Variants in MBOAT2 observed in about 807,000 individuals in gnomAD.
The protein encoded by MBOAT2 is membrane-bound glycerophospholipid O-acyltransferase 2.
MBOAT2 carries 28 observed loss-of-function variants against 63.4 expected under a neutral mutation model. The observed-to-expected ratio is 0.44, with a 90% CI of 0.33 to 0.61. The LOEUF is 0.61. Among genes scored for constraint, MBOAT2 ranks in the 20% least tolerant of loss-of-function variants. The pLI is 0.03. For missense variants in MBOAT2, 470 were observed against 605.8 expected, an observed-to-expected ratio of 0.78 and a Z score of 2.35; for synonymous variants, 211 against 215.6, an observed-to-expected ratio of 0.98 and a Z score of 0.19.
chr2:8,866,973 C>G (rs1265771292), intron 9 of MBOAT2, among the ~76,000 whole-genome samples: 1 of 152,188 alleles, frequency 6.6e-6, no homozygotes, highest in Admixed American at 6.5e-5. Context: ...GAGGATCCAG[C>G]TTGGCCTCTT....
chr2:9,003,491 G>A lies in MBOAT2; in HGVS notation c.75+49C>T. On this transcript the variant is annotated intron_variant, in intron 1 of 12. Transcript: ENST00000305997. This position sits in a 1 kb window ranked among gnomAD's most constrained non-coding sequence, Gnocchi z 5.4. ...CCCCGGTCGGGTGGCACCGCGGCGG[G>A]GAGGGGCGGCGAGGGCGCGACGCCC... The A allele has an allele frequency of 1.7e-6, 2 of 1,144,196 alleles. No homozygotes were observed. The highest frequency in any genetic ancestry group is 4.1e-5 in the South Asian group (1 of 24,200). The allele number at this position is 1,144,196 out of a possible 1,614,324, so 70.9% of individuals were successfully genotyped here.
Position 8,856,043 on chromosome 2 carries a change from A to G in MBOAT2, c.*2636T>C, listed in dbSNP as rs570290987. On this transcript the variant is annotated 3_prime_UTR_variant, in exon 13 of 13. Transcript: ENST00000305997. This position sits in a 1 kb window ranked among gnomAD's most constrained non-coding sequence, Gnocchi z 4.2. ...TAATCTTTGTGATTATTACTTCTCC[A>G]AACTAGAGGAGAGATATCCAAAAAC... 1 of 152,310 alleles carries G rather than the reference A, an allele frequency of 6.6e-6. No homozygotes were observed. The highest frequency in any genetic ancestry group is 2.1e-4 in the South Asian group (1 of 4,826). 9.4% of individuals were successfully genotyped at this position (152,310 alleles called of 1,614,324 possible). A position where few individuals can be genotyped will look rare whatever the true frequency, so the allele number is the denominator to read the frequency against.
At chr2:8,932,650 T>C (rs1234378835) in intron 3 of MBOAT2, among the ~76,000 whole-genome samples, 1 of 152,208 alleles carries the variant, frequency 6.6e-6, no homozygotes, top group Non-Finnish European at 1.5e-5. Flanking sequence ...TTTTGTGACC[T>C]TGATTTAATC....
chr2:8,918,529 G>C lies in MBOAT2; in HGVS notation c.300-9813C>G, dbSNP rs1010316705. On this transcript the variant is annotated intron_variant, in intron 3 of 12. Transcript: ENST00000305997. Reference sequence around the variant, plus strand: ...CACTGATGGATTTGCTGGGTGCAGGGATGCCACAAACTTTCTGTTTGTTTA... The same window carrying C: ...CACTGATGGATTTGCTGGGTGCAGGCATGCCACAAACTTTCTGTTTGTTTA... 1.2e-4 allele frequency among the ~76,000 whole-genome samples: 19 copies of C among 152,190 alleles called. 1 individual carries two copies. Among genetic ancestry groups the C allele is most frequent in the Admixed American group, 9.2e-4 (14 of 15,276 alleles).
intron 4 of MBOAT2, among the ~76,000 whole-genome samples, chr2:8,904,112 G>A (rs1398439562): frequency 6.6e-6 from 1 of 151,998 alleles, no homozygotes; most frequent in Non-Finnish European, 1.5e-5. Context: ...AAGAAACTGT[G>A]ATTACAGTTG....
intron 11 of MBOAT2, among the ~76,000 whole-genome samples, chr2:8,861,503 C>G (rs914094716): frequency 6.6e-6 from 1 of 152,164 alleles, no homozygotes; most frequent in African/African-American, 2.4e-5. Context: ...CATTGGTGAA[C>G]AGGATGGAAT....
intron 1 of MBOAT2, among the ~76,000 whole-genome samples, chr2:8,987,630 T>C (rs1331684037): frequency 6.6e-6 from 1 of 152,156 alleles, no homozygotes; most frequent in Admixed American, 6.5e-5. Context: ...AGACTGGAAT[T>C]ATCTAAAGGC....
intron 1 of MBOAT2, among the ~76,000 whole-genome samples, chr2:8,987,116 T>C (rs150808534): frequency 4.2e-4 from 64 of 152,322 alleles, no homozygotes; most frequent in African/African-American, 1.5e-3. Flanking sequence ...CAAATGACCA[T>C]ACTAATGAAA....
intron 6 of MBOAT2, 96 bp from the exon 7 acceptor site, chr2:8,877,309 T>C: frequency 8.6e-7 from 1 of 1,163,270 alleles, no homozygotes; most frequent in South Asian, 1.6e-5. Context: ...ATTTCCAAAG[T>C]AAAACAAGCT....
chr2:8,861,789 T>C (rs1311036474), intron 11 of MBOAT2, among the ~76,000 whole-genome samples: 1 of 152,164 alleles, frequency 6.6e-6, no homozygotes, highest in African/African-American at 2.4e-5. Context: ...AGAATCTGTC[T>C]TATGCACACA....
At chr2:8,890,308 G>A (rs992945566) in intron 4 of MBOAT2, among the ~76,000 whole-genome samples, 5 of 152,030 alleles carry the variant, frequency 3.3e-5, no homozygotes, top group African/African-American at 9.7e-5. Context: ...ACACACACGC[G>A]CGCACGCAAA....
At chr2:8,909,246 G>C (rs1263712268) in intron 3 of MBOAT2, among the ~76,000 whole-genome samples, 1 of 152,098 alleles carries the variant, frequency 6.6e-6, no homozygotes. Flanking sequence ...TAAAAACATA[G>C]CATGGGAAAA....
Position 8,958,545 on chromosome 2 carries a change from A to T in MBOAT2, c.173T>A (p.Val58Glu). 6.2e-7 allele frequency: 1 copy of T among 1,609,882 alleles called. No individual in the cohort carries two copies. Among genetic ancestry groups the T allele is most frequent in the Non-Finnish European group, 8.5e-7 (1 of 1,178,980 alleles). The change falls in exon 2 of 13, where the codon GTA becomes GAA. Residue 58 changes from valine to glutamate, a missense_variant. Coordinates refer to ENST00000305997, the MANE Select transcript of MBOAT2 (RefSeq NM_138799.4). ...ATAAAGGCCCAAAAGGGTAGCAACT[A>T]CATGTCTTATAAAAGAGCTAGTTTT... Reference protein sequence around the residue: ...SSKTSSFIRHVVATLLGLYLA... With the variant: ...SSKTSSFIRHEVATLLGLYLA...
At position 8,856,619 on chromosome 2, in the gene MBOAT2, A is replaced by G. The variant is rs1661104825; in HGVS notation, c.*2060T>C. 1 of 151,682 alleles carries G rather than the reference A, an allele frequency of 6.6e-6. No individual in the cohort carries two copies. The highest frequency in any genetic ancestry group is 1.9e-4 in the East Asian group (1 of 5,186). 9.4% of individuals were successfully genotyped at this position (151,682 alleles called of 1,614,324 possible). A position where few individuals can be genotyped will look rare whatever the true frequency, so the allele number is the denominator to read the frequency against. ...ACCCAGGCTGGAGTGCAGTGGCACA[A>G]TTTTAGCTCACTGCAACCTCCACCT... On this transcript the variant is annotated 3_prime_UTR_variant, in exon 13 of 13. Transcript: ENST00000305997. This position sits in a 1 kb window ranked among gnomAD's most constrained non-coding sequence, Gnocchi z 4.2.
chr2:8,886,562 A>T (rs1378636574), intron 5 of MBOAT2, among the ~76,000 whole-genome samples: 1 of 152,220 alleles, frequency 6.6e-6, no homozygotes, highest in Non-Finnish European at 1.5e-5. Flanking sequence ...GGATGTACTG[A>T]AGCAAACTGG....
At chr2:8,957,010 T>C (rs1375178288) in intron 2 of MBOAT2, among the ~76,000 whole-genome samples, 4 of 152,214 alleles carry the variant, frequency 2.6e-5, no homozygotes, top group African/African-American at 7.2e-5. Context: ...CCCTTCCCAA[T>C]GCATTATGAA....
chr2:8,877,221 G>A lies in MBOAT2; in HGVS notation c.507-8C>T, dbSNP rs749335169. The stretch of plus-strand genomic sequence containing the variant: ...AGTAAGCTTGGCATGCGCCTGCAAT[G>A]AAAAGACATGCAACCAGTGAGATGC... On this transcript the variant is annotated splice_polypyrimidine_tract_variant and splice_region_variant and intron_variant, in intron 6 of 12. Transcript: ENST00000305997. 1 of 1,607,432 alleles carries A rather than the reference G, an allele frequency of 6.2e-7. No individual in the cohort carries two copies. Among genetic ancestry groups the A allele is most frequent in the Non-Finnish European group, 8.5e-7 (1 of 1,177,248 alleles).
intron 4 of MBOAT2, among the ~76,000 whole-genome samples, chr2:8,902,760 T>C (rs1665051094): frequency 6.6e-6 from 1 of 152,192 alleles, no homozygotes; most frequent in Non-Finnish European, 1.5e-5. Flanking sequence ...CGGTGAGTGT[T>C]AACAGCTCAT....
At position 8,857,381 on chromosome 2, in the gene MBOAT2, C is replaced by T. The variant is rs1331074374; in HGVS notation, c.*1298G>A. ...TGGCCACCACAGTCCTCTGTGGGAT[C>T]GCAGGAGATGCTTAGTAATCCAAGG... On this transcript the variant is annotated 3_prime_UTR_variant, in exon 13 of 13. Transcript: ENST00000305997. 5 of 152,404 alleles carry T rather than the reference C, an allele frequency of 3.3e-5. No individual in the cohort carries two copies. Among genetic ancestry groups the T allele is most frequent in the East Asian group, 1.9e-4 (1 of 5,194 alleles). 9.4% of individuals were successfully genotyped at this position (152,404 alleles called of 1,614,324 possible).
Sources: allele counts gnomAD v4.1 joint callset (sites outside exome capture counted in the v4.1 genomes callset), GRCh38; gene constraint gnomAD v4.1.1; non-coding constraint Gnocchi (gnomAD v3.1); transcripts MANE v1.5; gene names NCBI Gene and HGNC (gene_info 2026-07-23, HGNC 2026-07-21).